Variants in C4orf50 observed in about 807,000 individuals in gnomAD.
C4orf50 encodes chromosome 4 open reading frame 50.
C4orf50 carries 80 observed loss-of-function variants against 77.2 expected under a neutral mutation model. The observed-to-expected ratio is 1.04, with a 90% CI of 0.87 to 1.25. The LOEUF is 1.25. Among genes scored for constraint, C4orf50 ranks in the 50% most tolerant of loss-of-function variants. The probability of loss-of-function intolerance (pLI) is 0.00; values close to 1 mark genes in which losing one functional copy is unlikely to be tolerated. For synonymous variants in C4orf50, 532 were observed against 465.3 expected, an observed-to-expected ratio of 1.14 and a Z score of -1.84; for missense variants, 1,257 against 1,152.9, an observed-to-expected ratio of 1.09 and a Z score of -1.31.
chr4:5,976,943 C>A (rs1014840775), intron 29 of C4orf50, among the ~76,000 whole-genome samples: 55 of 152,330 alleles, frequency 3.6e-4, no homozygotes, highest in Non-Finnish European at 1.3e-4. Flanking sequence ...GGCCCTGAGG[C>A]CTTTGTGGGC....
intron 7 of C4orf50, among the ~76,000 whole-genome samples, chr4:5,907,083 C>T (rs1271303768): frequency 2.0e-5 from 3 of 152,190 alleles, no homozygotes; most frequent in Admixed American, 6.5e-5. Context: ...CTCATAAGCA[C>T]CTGGCATCTG....
intron 7 of C4orf50, among the ~76,000 whole-genome samples, chr4:5,906,871 C>T (rs1320494320): frequency 6.6e-6 from 1 of 152,150 alleles, no homozygotes; most frequent in Non-Finnish European, 1.5e-5. Context: ...AGATTTAAAT[C>T]CTTGAAGCTT....
At chr4:5,995,609 C>T (rs899956052) in intron 25 of C4orf50, among the ~76,000 whole-genome samples, 4 of 152,096 alleles carry the variant, frequency 2.6e-5, no homozygotes, top group African/African-American at 7.2e-5. Context: ...TGCTCCAGCC[C>T]GGTGCTGTTG....
At chr4:5,926,488 C>T (rs1338748929) in intron 7 of C4orf50, among the ~76,000 whole-genome samples, 1 of 152,058 alleles carries the variant, frequency 6.6e-6, no homozygotes, top group Non-Finnish European at 1.5e-5. Context: ...GACAGTGTTC[C>T]TTTTTAGGAC....
rs73071516 is a variant in C4orf50, at chr4:6,008,717, G to A, written c.427-185C>T. Among the ~76,000 whole-genome samples, 19,006 of 152,168 alleles carry A rather than the reference G, an allele frequency of 0.12. 1,599 individuals are homozygous for A. The highest frequency in any genetic ancestry group is 0.23 in the African/African-American group (9,425 of 41,510). ...TTTGGCATCCTCTTAAATTTTGCAC[G>A]GAGGCAAGTGTCTCCCTCACTTCAT... is the stretch of plus-strand genomic sequence containing the variant. On this transcript the variant is annotated intron_variant, in intron 24 of 33. Coordinates refer to ENST00000531445, the Ensembl canonical transcript of C4orf50. The surrounding 1 kb of genome is among the most constrained non-coding windows in gnomAD (Gnocchi z 6.0).
At position 6,008,298 on chromosome 4, in the gene C4orf50, C is replaced by A; in HGVS notation, c.661G>T (p.Ala221Ser). The A allele has an allele frequency of 2.6e-6, 1 of 390,110 alleles. No homozygotes were observed. The highest frequency in any genetic ancestry group is 3.7e-5 in the East Asian group (1 of 27,270). 24.2% of individuals were successfully genotyped at this position (390,110 alleles called of 1,614,324 possible). A position where few individuals can be genotyped will look rare whatever the true frequency, so the allele number is the denominator to read the frequency against. Residue 221 changes from alanine to serine, a missense_variant, in exon 25 of 34, where the codon GCC becomes TCC. By Grantham distance (99) the Ala-to-Ser change is moderately conservative (BLOSUM62 1). Transcript: ENST00000531445. This position sits in a 1 kb window ranked among gnomAD's most constrained non-coding sequence, Gnocchi z 6.0. ...CCTGGGGCCGCGGTGTCCCACTGGG[C>A]CAGCAGGAGGCCCGCGGCGCGGCAG...
rs373946769 is a variant in C4orf50 at position 5,943,192 on chromosome 4, A to T, written c.*2474+13709T>A. On this transcript the variant is annotated intron_variant, in intron 7 of 7. Coordinates refer to the C4orf50 transcript ENST00000324058. ...CACAGAAGCGGCAGCTGTTTCCGTG[A>T]TGCTACGTGTCCGTTAGGCACCCGC... Among the ~76,000 whole-genome samples the T allele has an allele frequency of 5.3e-5, 8 of 152,332 alleles. 1 individual carries two copies. Among genetic ancestry groups the T allele is most frequent in the African/African-American group, 1.9e-4 (8 of 41,572 alleles).
chr4:5,913,043 C>G (rs1338120155), intron 7 of C4orf50, among the ~76,000 whole-genome samples: 2 of 152,234 alleles, frequency 1.3e-5, no homozygotes, highest in African/African-American at 2.4e-5. Flanking sequence ...CCGTATCTCT[C>G]TGGCCAACAA....
intron 7 of C4orf50, among the ~76,000 whole-genome samples, chr4:5,944,619 C>T (rs1270461100): frequency 6.6e-6 from 1 of 152,120 alleles, no homozygotes; most frequent in Non-Finnish European, 1.5e-5. Context: ...GGAAGCAGCA[C>T]CCCCCACGCC....
At chr4:5,957,801 G>C (rs1719051975) in exon 34 of C4orf50, 1 of 152,152 alleles carries the variant, frequency 6.6e-6, no homozygotes, top group Admixed American at 6.5e-5. Flanking sequence ...ATGTGCTGAG[G>C]CTGCCTTTCT....
intron 7 of C4orf50, among the ~76,000 whole-genome samples, chr4:5,948,019 C>T (rs1233435883): frequency 1.3e-5 from 2 of 152,190 alleles, no homozygotes; most frequent in Non-Finnish European, 2.9e-5. Context: ...AGTACCTCTA[C>T]CTCCATGGTC....
Position 6,007,987 on chromosome 4 carries a change from G to A in C4orf50, c.963+9C>T, listed in dbSNP as rs1046303856. 7 of 398,988 alleles carry A rather than the reference G, an allele frequency of 1.8e-5. No individual in the cohort carries two copies. Among genetic ancestry groups the A allele is most frequent in the Non-Finnish European group, 3.1e-5 (7 of 226,116 alleles). The allele number at this position is 398,988 out of a possible 1,614,324, so 24.7% of individuals were successfully genotyped here. On this transcript the variant is annotated intron_variant, in intron 25 of 33. Transcript: ENST00000531445. The surrounding 1 kb of genome is among the most constrained non-coding windows in gnomAD (Gnocchi z 4.1). ...AAGATCATTCCTACCCTGAGTTCCC[G>A]CCACTTACCAGGCTGCAGTGACCAA...
intron 30 of C4orf50, among the ~76,000 whole-genome samples, chr4:5,975,154 A>C (rs1279496442): frequency 7.4e-4 from 44 of 59,680 alleles, no homozygotes; most frequent in Middle Eastern, 8.9e-3. Flanking sequence ...AAAAAAAAAA[A>C]AAAAAAAAAA....
At chr4:5,899,340 A>G (rs970510321) in intron 7 of C4orf50, 1 of 152,244 alleles carries the variant, frequency 6.6e-6, no homozygotes, top group African/African-American at 2.4e-5. Context: ...ACTGCACCCA[A>G]GAGATTCATT....
chr4:5,959,642 C>A lies in C4orf50; in HGVS notation c.4276-16G>T. ...ACAGAGGGAGCTGCAGGCAAGAGGA[C>A]AATGAAATGGTCTCTGCGTCCACAT... On this transcript the variant is annotated splice_polypyrimidine_tract_variant and intron_variant, in intron 33 of 33. Coordinates refer to ENST00000531445, the Ensembl canonical transcript of C4orf50. 1 of 1,605,596 alleles carries A rather than the reference C, an allele frequency of 6.2e-7. No homozygotes were observed. Among genetic ancestry groups the A allele is most frequent in the Non-Finnish European group, 8.5e-7 (1 of 1,174,092 alleles).
At chr4:5,939,701 G>T (rs1241877291) in intron 7 of C4orf50, among the ~76,000 whole-genome samples, 1 of 152,094 alleles carries the variant, frequency 6.6e-6, no homozygotes, top group Non-Finnish European at 1.5e-5. Flanking sequence ...TCTCTAATTT[G>T]TCTCTCCATC....
exon 28 of C4orf50, chr4:5,990,082 A>G (rs1446195675): frequency 3.0e-6 from 4 of 1,332,660 alleles, no homozygotes; most frequent in Non-Finnish European, 3.8e-6. Context: ...TCCTCCTCGG[A>G]GACCCCAGAC....
intron 7 of C4orf50, among the ~76,000 whole-genome samples, chr4:5,939,248 A>AG (rs1560552441): frequency 9.9e-5 from 15 of 152,256 alleles, no homozygotes; most frequent in East Asian, 3.9e-4. Flanking sequence ...TGTCTCAAAA[A>AG]AAAAGAAAGA....
intron 7 of C4orf50, among the ~76,000 whole-genome samples, chr4:5,925,789 C>T (rs1717488104): frequency 6.6e-6 from 1 of 152,240 alleles, no homozygotes; most frequent in Non-Finnish European, 1.5e-5. Context: ...TGGGGAAGCA[C>T]TGAGCCAGGC....
Sources: gnomAD v4.1 joint callset for allele counts (sites outside exome capture counted in the v4.1 genomes callset) on GRCh38, gnomAD v4.1.1 for gene constraint, Gnocchi (gnomAD v3.1) non-coding constraint, MANE v1.5 for transcripts, NCBI Gene and HGNC (gene_info 2026-07-23, HGNC 2026-07-21) for gene names.